EXOC6B: variants seen among roughly 807,000 people sequenced by gnomAD.
The protein encoded by EXOC6B is exocyst complex component 6B, also known as SEC15 homolog B.
EXOC6B carries 54 observed loss-of-function variants against 113.5 expected under a neutral mutation model. The observed-to-expected ratio is 0.48, with a 90% confidence interval of 0.38 to 0.60. EXOC6B has a LOEUF of 0.60. Among genes scored for constraint, EXOC6B ranks in the 20% least tolerant of loss-of-function variants. EXOC6B has a pLI of 0.00. For synonymous variants in EXOC6B, 357 were observed against 339.0 expected, an observed-to-expected ratio of 1.05 and a Z score of -0.58; for missense variants, 797 against 977.5, an observed-to-expected ratio of 0.82 and a Z score of 2.46.
At chr2:72,685,910 A>T (rs1047993301) in intron 6 of EXOC6B, among the ~76,000 whole-genome samples, 3 of 152,204 alleles carry the variant, frequency 2.0e-5, no homozygotes, top group East Asian at 1.9e-4. Flanking sequence ...GAACAGAATA[A>T]ATGTTTTTTA....
At chr2:72,701,952 G>C (rs11889780) in intron 6 of EXOC6B, among the ~76,000 whole-genome samples, 2,314 of 150,988 alleles carry the variant, frequency 0.015, 82 homozygotes, top group African/African-American at 0.054. Flanking sequence ...TTAAGTTTTA[G>C]GGTACATGTG....
At chr2:72,378,538 T>A (rs1200125763) in intron 19 of EXOC6B, among the ~76,000 whole-genome samples, 1 of 152,228 alleles carries the variant, frequency 6.6e-6, no homozygotes, top group African/African-American at 2.4e-5. Context: ...ATGTAGTTTA[T>A]CCAATTTACA....
intron 1 of EXOC6B, among the ~76,000 whole-genome samples, chr2:72,778,765 T>C (rs1199813408): frequency 4.6e-5 from 7 of 152,172 alleles, no homozygotes; most frequent in Admixed American, 3.9e-4. Flanking sequence ...GTAAAGACTA[T>C]CATACACAAG....
intron 19 of EXOC6B, among the ~76,000 whole-genome samples, chr2:72,352,117 A>G (rs1322578185): frequency 5.9e-5 from 9 of 152,156 alleles, no homozygotes; most frequent in Admixed American, 5.9e-4. Context: ...CCATTTACAT[A>G]TAACAAATTA....
chr2:72,524,606 A>T (rs1219586933), intron 8 of EXOC6B, among the ~76,000 whole-genome samples: 1 of 152,202 alleles, frequency 6.6e-6, no homozygotes, highest in Non-Finnish European at 1.5e-5. Context: ...AAAATAACTT[A>T]AAAAATGTAA....
At chr2:72,797,049 T>C (rs1032983938) in intron 1 of EXOC6B, among the ~76,000 whole-genome samples, 2 of 152,152 alleles carry the variant, frequency 1.3e-5, no homozygotes, top group African/African-American at 4.8e-5. Flanking sequence ...GGACTTCAAA[T>C]TGAGGAAGGG....
chr2:72,198,055 GCAGGGTATACCA>G (rs1342430489), intron 20 of EXOC6B, among the ~76,000 whole-genome samples: 1 of 152,136 alleles, frequency 6.6e-6, no homozygotes, highest in East Asian at 1.9e-4. Flanking sequence ...TCTCTCATTG[GCAGGGTATACCA>G]CATTAATTAG....
chr2:72,727,265 C>G (rs896808634), intron 5 of EXOC6B, among the ~76,000 whole-genome samples: 1 of 152,092 alleles, frequency 6.6e-6, no homozygotes, highest in Admixed American at 6.5e-5. Context: ...GATTTAAACC[C>G]GTATGTTGAT....
At chr2:72,339,610 C>A (rs890699428) in intron 19 of EXOC6B, among the ~76,000 whole-genome samples, 6 of 152,176 alleles carry the variant, frequency 3.9e-5, no homozygotes, top group African/African-American at 1.2e-4. Context: ...CTCTTCCCAG[C>A]AGTTCTGCCC....
At position 72,679,694 on chromosome 2, in the gene EXOC6B, G is replaced by A. The variant is rs116105429; in HGVS notation, c.669+38409C>T. 7.6e-3 allele frequency among the ~76,000 whole-genome samples: 1,154 copies of A among 152,224 alleles called. 17 individuals are homozygous for A. Among genetic ancestry groups the A allele is most frequent in the African/African-American group, 0.025 (1,036 of 41,530 alleles). On this transcript the variant is annotated intron_variant, in intron 6 of 21. Transcript: ENST00000272427. ...TTCATAATTGGAGAAAATATTCTCC[G>A]AAGAAAACAGAAAAGAGGAAATATA... is the stretch of plus-strand genomic sequence containing the variant.
At chr2:72,635,621 C>A (rs1672762397) in intron 6 of EXOC6B, among the ~76,000 whole-genome samples, 2 of 152,090 alleles carry the variant, frequency 1.3e-5, no homozygotes, top group Non-Finnish European at 2.9e-5. Flanking sequence ...GAGAATTCCA[C>A]CAAACATTTT....
At chr2:72,611,036 C>G (rs1671041381) in intron 6 of EXOC6B, among the ~76,000 whole-genome samples, 2 of 152,032 alleles carry the variant, frequency 1.3e-5, no homozygotes. Flanking sequence ...CAGATAAACC[C>G]AGAGTGGGAG....
At chr2:72,380,435 C>T (rs940777405) in intron 18 of EXOC6B, among the ~76,000 whole-genome samples, 4 of 152,166 alleles carry the variant, frequency 2.6e-5, no homozygotes, top group East Asian at 3.9e-4. Context: ...GTCAGGAGAT[C>T]GAGACCATCC....
At chr2:72,435,327 T>C (rs968896234) in intron 18 of EXOC6B, among the ~76,000 whole-genome samples, 4 of 152,322 alleles carry the variant, frequency 2.6e-5, no homozygotes, top group East Asian at 1.9e-4. Context: ...TACTTCCAAA[T>C]GTATGGTCAA....
intron 7 of EXOC6B, among the ~76,000 whole-genome samples, chr2:72,570,107 C>A (rs987292442): frequency 2.0e-5 from 3 of 151,978 alleles, no homozygotes; most frequent in African/African-American, 7.3e-5. Flanking sequence ...TAAATGAAAT[C>A]ATAAGAATGG....
At chr2:72,627,308 T>C (rs1237208668) in intron 6 of EXOC6B, among the ~76,000 whole-genome samples, 2 of 152,184 alleles carry the variant, frequency 1.3e-5, no homozygotes, top group African/African-American at 2.4e-5. Context: ...ACTTTGCAAA[T>C]GTACATATTA....
chr2:72,465,036 C>T (rs897875656), intron 18 of EXOC6B, 124 bp downstream of exon 18: 1 of 734,572 alleles, frequency 1.4e-6, no homozygotes. Context: ...ATAAATATAG[C>T]ATGCGCCTTT....
intron 18 of EXOC6B, among the ~76,000 whole-genome samples, chr2:72,402,243 T>C (rs1693389816): frequency 6.6e-6 from 1 of 152,184 alleles, no homozygotes; most frequent in African/African-American, 2.4e-5. Context: ...TGCATGTTTC[T>C]AGGAATTTGT....
At chr2:72,739,228 T>G (rs886841583) in intron 2 of EXOC6B, among the ~76,000 whole-genome samples, 2 of 152,224 alleles carry the variant, frequency 1.3e-5, no homozygotes, top group African/African-American at 4.8e-5. Context: ...TCCTTGTACA[T>G]GCACTTACAG....
Sources: allele counts gnomAD v4.1 joint callset (sites outside exome capture counted in the v4.1 genomes callset), GRCh38; gene constraint gnomAD v4.1.1; transcripts MANE v1.5; gene names NCBI Gene and HGNC (gene_info 2026-07-23, HGNC 2026-07-21).